Variants in ASAP1 observed in about 807,000 individuals in gnomAD.
The protein encoded by ASAP1 is arf-GAP with SH3 domain, ANK repeat and PH domain-containing protein 1.
ASAP1 carries 43 observed loss-of-function variants against 145.2 expected under a neutral mutation model. That is an observed-to-expected ratio of 0.30 (90% CI 0.23 to 0.38). The LOEUF (loss-of-function observed/expected upper bound fraction) is 0.38. Among genes scored for constraint, ASAP1 ranks in the 10% least tolerant of loss-of-function variants. ASAP1 has a pLI of 1.00. For missense variants in ASAP1, 1,018 were observed against 1,355.3 expected, an observed-to-expected ratio of 0.75 and a Z score of 3.91; for synonymous variants, 546 against 515.5, an observed-to-expected ratio of 1.06 and a Z score of -0.80.
intron 25 of ASAP1, among the ~76,000 whole-genome samples, chr8:130,088,555 A>G (rs2097498816): frequency 6.6e-6 from 1 of 152,222 alleles, no homozygotes; most frequent in African/African-American, 2.4e-5. Context: ...TGGAGTCACC[A>G]GAAGCTGAGA....
intron 24 of ASAP1, 96 bp from the exon 25 acceptor site, chr8:130,092,239 T>C (rs763263988): frequency 2.3e-6 from 3 of 1,324,236 alleles, no homozygotes; most frequent in Non-Finnish European, 3.1e-6. Context: ...CAGAATGTGG[T>C]ATGACACACA....
intron 24 of ASAP1, among the ~76,000 whole-genome samples, chr8:130,108,830 C>T (rs977140387): frequency 3.5e-5 from 4 of 115,338 alleles, no homozygotes; most frequent in African/African-American, 1.4e-4. Context: ...GGCTGGAGTG[C>T]AATGGCACAA....
chr8:130,276,752 T>TCTCTCTCTCTCTCTCTCTCTCTCG (rs1820929622), intron 3 of ASAP1, among the ~76,000 whole-genome samples: 1 of 150,520 alleles, frequency 6.6e-6, no homozygotes, highest in African/African-American at 2.5e-5. Context: ...TCTCTCTCTC[T>TCTCTCTCTCTCTCTCTCTCTCTCG]CTCTCTCTCC....
chr8:130,108,536 C>T (rs139001393), intron 24 of ASAP1, among the ~76,000 whole-genome samples: 2,917 of 152,132 alleles, frequency 0.019, 94 homozygotes, highest in African/African-American at 0.065. Flanking sequence ...TGGTGGCTCA[C>T]GCCTGTAATC....
At chr8:130,233,832 A>G (rs558437645) in intron 4 of ASAP1, among the ~76,000 whole-genome samples, 55 of 152,348 alleles carry the variant, frequency 3.6e-4, no homozygotes, top group Admixed American at 9.8e-4. Flanking sequence ...TGCTCAATAA[A>G]TATCTTTTCA....
chr8:130,126,398 T>C (rs1409304962), intron 16 of ASAP1, among the ~76,000 whole-genome samples: 1 of 152,180 alleles, frequency 6.6e-6, no homozygotes, highest in East Asian at 1.9e-4. Flanking sequence ...CCTCTGACAG[T>C]GATGGACTGA....
At chr8:130,109,971 G>T (rs2097544040) in intron 24 of ASAP1, among the ~76,000 whole-genome samples, 1 of 152,112 alleles carries the variant, frequency 6.6e-6, no homozygotes. Flanking sequence ...TTTTTTTGGG[G>T]GAAGTGGGGA....
intron 13 of ASAP1, among the ~76,000 whole-genome samples, chr8:130,145,079 T>C (rs371119942): frequency 5.9e-5 from 9 of 152,196 alleles, no homozygotes; most frequent in African/African-American, 2.2e-4. Flanking sequence ...ACCCAATGAA[T>C]GTGCTAGATA....
chr8:130,434,242 G>A (rs934288602), intron 1 of ASAP1, among the ~76,000 whole-genome samples: 6 of 152,146 alleles, frequency 3.9e-5, no homozygotes, highest in African/African-American at 1.4e-4. Flanking sequence ...CTTGAACCTG[G>A]GAGGATTACT....
chr8:130,241,910 T>C (rs1460122143), intron 3 of ASAP1, among the ~76,000 whole-genome samples: 1 of 152,124 alleles, frequency 6.6e-6, no homozygotes, highest in Admixed American at 6.6e-5. Flanking sequence ...AGTGGGAAAA[T>C]TGCTTTTATT....
intron 3 of ASAP1, among the ~76,000 whole-genome samples, chr8:130,282,848 T>C (rs1421730945): frequency 6.6e-6 from 1 of 152,216 alleles, no homozygotes; most frequent in East Asian, 1.9e-4. Context: ...ATAATATTAA[T>C]GAGAGAAGCA....
At chr8:130,157,177 T>C (rs192157788) in intron 12 of ASAP1, among the ~76,000 whole-genome samples, 3 of 152,354 alleles carry the variant, frequency 2.0e-5, no homozygotes, top group Admixed American at 2.0e-4. Flanking sequence ...ACAATTTATG[T>C]ACACTTTATC....
At chr8:130,217,583 G>T (rs546879878) in intron 4 of ASAP1, among the ~76,000 whole-genome samples, 23 of 136,914 alleles carry the variant, frequency 1.7e-4, no homozygotes, top group African/African-American at 5.0e-4. Flanking sequence ...CCACCAGACC[G>T]CAAGAGGCAG....
At chr8:130,255,069 C>T (rs1375725494) in intron 3 of ASAP1, among the ~76,000 whole-genome samples, 1 of 152,064 alleles carries the variant, frequency 6.6e-6, no homozygotes, top group East Asian at 1.9e-4. Flanking sequence ...AGTCATCTCC[C>T]AAATCAAAAT....
chr8:130,435,921 A>C (rs1344861858), intron 1 of ASAP1, among the ~76,000 whole-genome samples: 1 of 152,230 alleles, frequency 6.6e-6, no homozygotes, highest in Middle Eastern at 3.2e-3. Flanking sequence ...TCCAGGACCC[A>C]GGAAACACTT....
At chr8:130,136,153 AGAG>A (rs1248487758) in intron 14 of ASAP1, among the ~76,000 whole-genome samples, 1 of 152,184 alleles carries the variant, frequency 6.6e-6, no homozygotes, top group Non-Finnish European at 1.5e-5. Context: ...CTCTTTACAA[AGAG>A]GAGTCCTCTC....
At chr8:130,424,600 C>G (rs2138728229) in intron 1 of ASAP1, among the ~76,000 whole-genome samples, 1 of 152,234 alleles carries the variant, frequency 6.6e-6, no homozygotes, top group South Asian at 2.1e-4. Flanking sequence ...CCCTTCTCAG[C>G]AGGTGATAAA....
intron 2 of ASAP1, among the ~76,000 whole-genome samples, chr8:130,376,040 C>T (rs544875936): frequency 1.3e-5 from 2 of 152,286 alleles, no homozygotes; most frequent in South Asian, 4.1e-4. Context: ...TTAACAACAA[C>T]AACAAAAAGA....
chr8:130,244,152 T>C (rs2554374), intron 3 of ASAP1, among the ~76,000 whole-genome samples: 84,259 of 151,992 alleles, frequency 0.55, 24,608 homozygotes, highest in African/African-American at 0.74. Context: ...ACAGGTAGCA[T>C]GGTATCAGAC....
Sources: gnomAD v4.1 joint callset for allele counts (sites outside exome capture counted in the v4.1 genomes callset) on GRCh38, gnomAD v4.1.1 for gene constraint, MANE v1.5 for transcripts, NCBI Gene and HGNC (gene_info 2026-07-23, HGNC 2026-07-21) for gene names.